The following LOC400499 variants were observed in gnomAD, a reference collection of about 807,000 sequenced individuals.
chr16:11,517,553 C>T, the LOC400499 span, among the ~76,000 whole-genome samples: 2 of 152,162 alleles, frequency 1.3e-5, no homozygotes, highest in African/African-American at 4.8e-5. Context: ...TTGAACCCAG[C>T]CAGGCTGGCT....
the LOC400499 span, among the ~76,000 whole-genome samples, chr16:11,511,673 G>A: frequency 1.3e-5 from 2 of 152,322 alleles, no homozygotes; most frequent in African/African-American, 4.8e-5. Flanking sequence ...GGCTGCCAGG[G>A]TCTGGGAAGA....
chr16:11,383,836 T>TTGATGAGACAAAGGGCCTTC, the LOC400499 span: 1 of 1,232,184 alleles, frequency 8.1e-7, no homozygotes, highest in Non-Finnish European at 1.0e-6. Context: ...GGACCTAAGC[T>TTGATGAGACAAAGGGCCTTC]TGATGAGACA....
chr16:11,398,343 C>G, the LOC400499 span: 3 of 1,232,344 alleles, frequency 2.4e-6, no homozygotes, highest in Non-Finnish European at 3.0e-6. Context: ...GCAGGGCAGA[C>G]TCACCCTGGG....
the LOC400499 span, among the ~76,000 whole-genome samples, chr16:11,444,061 G>A: frequency 3.3e-5 from 5 of 151,830 alleles, no homozygotes; most frequent in Admixed American, 6.6e-5. Flanking sequence ...GGCTGGTCTC[G>A]AACACCTGAC....
chr16:11,484,557 C>G, the LOC400499 span, among the ~76,000 whole-genome samples: 1 of 152,120 alleles, frequency 6.6e-6, no homozygotes, highest in African/African-American at 2.4e-5. Context: ...TGGGTATTAA[C>G]AAGAACAGGA....
the LOC400499 span, among the ~76,000 whole-genome samples, chr16:11,404,053 G>A: frequency 0.015 from 2,248 of 152,110 alleles, 61 homozygotes; most frequent in African/African-American, 0.051. Context: ...GGGGCCTTCC[G>A]CCTGAAGTGC....
the LOC400499 span, among the ~76,000 whole-genome samples, chr16:11,449,739 C>T: frequency 1.3e-5 from 2 of 152,264 alleles, no homozygotes; most frequent in Non-Finnish European, 2.9e-5. Context: ...CCACCATCAA[C>T]TTCCCCATTT....
the LOC400499 span, chr16:11,500,775 G>T: frequency 2.5e-6 from 1 of 399,026 alleles, no homozygotes. Context: ...GGAGGACACC[G>T]GGGCCCCGGG....
the LOC400499 span, among the ~76,000 whole-genome samples, chr16:11,456,622 C>T: frequency 6.6e-6 from 1 of 151,960 alleles, no homozygotes; most frequent in African/African-American, 2.4e-5. Context: ...AAGACAGGTT[C>T]CTACTATGGT....
chr16:11,513,050 T>A, the LOC400499 span, among the ~76,000 whole-genome samples: 7 of 152,346 alleles, frequency 4.6e-5, no homozygotes, highest in African/African-American at 1.7e-4. Flanking sequence ...TCACTCACCG[T>A]GTGACCTTGG....
At chr16:11,497,816 T>C in the LOC400499 span, among the ~76,000 whole-genome samples, 4 of 114,000 alleles carry the variant, frequency 3.5e-5, no homozygotes, top group Non-Finnish European at 7.4e-5. Flanking sequence ...GAACAAACAA[T>C]TTTGAAAGGG....
the LOC400499 span, among the ~76,000 whole-genome samples, chr16:11,428,470 G>C: frequency 6.6e-6 from 1 of 152,064 alleles, no homozygotes; most frequent in South Asian, 2.1e-4. Flanking sequence ...CACCGCGGCC[G>C]GCCCATCCCT....
the LOC400499 span, chr16:11,448,201 T>C: frequency 1.6e-3 from 2,006 of 1,223,088 alleles, 3 homozygotes; most frequent in Non-Finnish European, 2.1e-3. Context: ...TATCCGAGAA[T>C]GGCTACTGAA....
chr16:11,413,653 C>T, the LOC400499 span, among the ~76,000 whole-genome samples: 2 of 152,180 alleles, frequency 1.3e-5, no homozygotes, highest in African/African-American at 4.8e-5. Flanking sequence ...GGGCAAGTCA[C>T]CCACACTCTC....
At chr16:11,519,572 ATTTT>A in the LOC400499 span, among the ~76,000 whole-genome samples, 1 of 152,096 alleles carries the variant, frequency 6.6e-6, no homozygotes, top group African/African-American at 2.4e-5. Context: ...CCCCATCTCT[ATTTT>A]TTAAAATAAA....
chr16:11,450,802 C>G, the LOC400499 span: 3 of 1,534,182 alleles, frequency 2.0e-6, no homozygotes, highest in Non-Finnish European at 2.6e-6. Context: ...CAGCCATGGA[C>G]TATCCAGGTT....
chr16:11,395,308 C>A, the LOC400499 span, among the ~76,000 whole-genome samples: 2 of 152,194 alleles, frequency 1.3e-5, no homozygotes, highest in Non-Finnish European at 2.9e-5. Flanking sequence ...TCTGACCACT[C>A]CACAGACCCC....
the LOC400499 span, among the ~76,000 whole-genome samples, chr16:11,391,333 AAG>A: frequency 1.3e-5 from 2 of 152,214 alleles, no homozygotes; most frequent in African/African-American, 2.4e-5. Flanking sequence ...TGGAACCAGA[AAG>A]AGATGCTGTG....
the LOC400499 span, chr16:11,390,443 C>A: frequency 1.0e-5 from 13 of 1,249,142 alleles, no homozygotes; most frequent in Non-Finnish European, 1.3e-5. Context: ...AGGTAGGCAT[C>A]CTTCAGTGTG....
Sources: gnomAD v4.1 joint callset for allele counts (sites outside exome capture counted in the v4.1 genomes callset) on GRCh38, gnomAD v4.1.1 for gene constraint, MANE v1.5 for transcripts.